The following KCNQ1 variants were observed in gnomAD, a reference collection of about 807,000 sequenced individuals.
KCNQ1 encodes potassium voltage-gated channel subfamily KQT member 1.
Under a neutral mutation model 72.4 loss-of-function variants are expected in KCNQ1, and 49 were observed. That is an observed-to-expected ratio of 0.68 (90% CI 0.54 to 0.86). KCNQ1 has a LOEUF of 0.86. KCNQ1 is among the 40% of genes least tolerant of loss of function. KCNQ1 has a pLI of 0.00. For missense variants in KCNQ1, 790 were observed against 945.1 expected (o/e 0.84, Z 2.15); for synonymous variants, 450 against 412.6 (o/e 1.09, Z -1.10).
chr11:2,617,750 A>G lies in KCNQ1; in HGVS notation c.1393+28896A>G. ...TCTCATGAGTGTGAGGTGATATCGC[A>G]TAGTAATTTTGATTTGCATTTCCCT... On this transcript the variant is annotated intron_variant, in intron 10 of 15. Transcript: ENST00000155840. The surrounding 1 kb of genome is among the most constrained non-coding windows in gnomAD (Gnocchi z 4.6). 2.5e-6 allele frequency: 1 copy of G among 398,546 alleles called. No homozygotes were observed. Among genetic ancestry groups the G allele is most frequent in the East Asian group, 3.6e-5 (1 of 28,068 alleles). 24.7% of individuals were successfully genotyped at this position (398,546 alleles called of 1,614,324 possible).
intron 11 of KCNQ1, among the ~76,000 whole-genome samples, chr11:2,721,055 A>G (rs1170092112): frequency 6.6e-6 from 1 of 152,024 alleles, no homozygotes; most frequent in African/African-American, 2.4e-5. Context: ...AAGAAAGGGT[A>G]TTTGTTTCTT....
chr11:2,623,099 G>A lies in KCNQ1; in HGVS notation c.1393+34245G>A, dbSNP rs1172548812. 1 of 398,512 alleles carries A rather than the reference G, an allele frequency of 2.5e-6. No individual in the cohort carries two copies. The highest frequency in any genetic ancestry group is 4.4e-6 in the Non-Finnish European group (1 of 226,090). The allele number at this position is 398,512 out of a possible 1,614,324, so 24.7% of individuals were successfully genotyped here. A position where few individuals can be genotyped will look rare whatever the true frequency, so the allele number is the denominator to read the frequency against. On this transcript the variant is annotated intron_variant, in intron 10 of 15. Transcript: ENST00000155840. The surrounding 1 kb of genome is among the most constrained non-coding windows in gnomAD (Gnocchi z 5.2). ...TAGTGAGTTCTCATGAGATCTGGTT[G>A]TTTAAACGTGTGTGGCACTTCCCAT...
chr11:2,843,399 G>A (rs1168210671), intron 15 of KCNQ1, among the ~76,000 whole-genome samples: 1 of 152,250 alleles, frequency 6.6e-6, no homozygotes, highest in East Asian at 1.9e-4. Flanking sequence ...ACAGGAGGAA[G>A]GCCAAGGTGA....
Position 2,561,208 on chromosome 11 carries a change from A to AAAAAAAAAG in KCNQ1, c.478-9413_478-9412insAGAAAAAAA, listed in dbSNP as rs1554891922. 3.9e-3 allele frequency among the ~76,000 whole-genome samples: 572 copies of AAAAAAAAAG among 147,700 alleles called. 12 individuals are homozygous for AAAAAAAAAG. Among genetic ancestry groups the AAAAAAAAAG allele is most frequent in the Admixed American group, 0.032 (462 of 14,218 alleles). ...ACAGCGAGACTCCGTCTCAAAAAAA[A>AAAAAAAAAG]AAAAAAAGAAAAAAAGAAAAAAAAG... On this transcript the variant is annotated intron_variant, in intron 2 of 15. Transcript: ENST00000155840.
At chr11:2,832,599 C>A (rs1460580631) in intron 15 of KCNQ1, among the ~76,000 whole-genome samples, 1 of 152,222 alleles carries the variant, frequency 6.6e-6, no homozygotes, top group African/African-American at 2.4e-5. Flanking sequence ...GCGCCAAGCA[C>A]CCTGCTGCCT....
intron 15 of KCNQ1, among the ~76,000 whole-genome samples, chr11:2,799,402 G>GT (rs397838920): frequency 1.4e-5 from 2 of 146,408 alleles, no homozygotes; most frequent in Admixed American, 6.9e-5. Flanking sequence ...GTGTGTGTGT[G>GT]GTGTGGTGTG....
At chr11:2,805,501 G>T (rs903340377) in intron 15 of KCNQ1, among the ~76,000 whole-genome samples, 1 of 152,228 alleles carries the variant, frequency 6.6e-6, no homozygotes, top group African/African-American at 2.4e-5. Context: ...TGGACTTGGG[G>T]CCTCATCTGG....
chr11:2,646,678 C>A, intron 10 of KCNQ1: 1 of 398,596 alleles, frequency 2.5e-6, no homozygotes, highest in East Asian at 3.6e-5. Flanking sequence ...GTGCAGGCCA[C>A]CACGCCCAGC....
At position 2,674,213 on chromosome 11, in the gene KCNQ1, C is replaced by T; in HGVS notation, c.1514+12132C>T. On this transcript the variant is annotated intron_variant, in intron 11 of 15. Transcript: ENST00000155840. This position sits in a 1 kb window ranked among gnomAD's most constrained non-coding sequence, Gnocchi z 5.9. ...AGAGCACAGCCAGTTGTGGGTTTTT[C>T]TTGGGGCCCAGATAGATGTGAGCAG... is the stretch of plus-strand genomic sequence containing the variant. 2.5e-6 allele frequency: 1 copy of T among 398,672 alleles called. No individual in the cohort carries two copies. Among genetic ancestry groups the T allele is most frequent in the Admixed American group, 4.4e-5 (1 of 22,736 alleles). 24.7% of individuals were successfully genotyped at this position (398,672 alleles called of 1,614,324 possible).
At chr11:2,845,982 C>A (rs2134093670) in intron 15 of KCNQ1, among the ~76,000 whole-genome samples, 1 of 152,314 alleles carries the variant, frequency 6.6e-6, no homozygotes, top group African/African-American at 2.4e-5. Flanking sequence ...CCACCCAGAC[C>A]CTAGCAAACT....
At chr11:2,796,192 C>A (rs1438221726) in intron 15 of KCNQ1, among the ~76,000 whole-genome samples, 14 of 152,230 alleles carry the variant, frequency 9.2e-5, no homozygotes, top group African/African-American at 2.9e-4. Context: ...AGGGACTATT[C>A]GGACACCACC....
At chr11:2,706,508 C>T (rs767391561) in intron 11 of KCNQ1, among the ~76,000 whole-genome samples, 5 of 152,244 alleles carry the variant, frequency 3.3e-5, no homozygotes, top group Admixed American at 6.5e-5. Flanking sequence ...CCAGATCCCT[C>T]GCCCACAGAA....
intron 1 of KCNQ1, among the ~76,000 whole-genome samples, chr11:2,455,005 T>C (rs959885313): frequency 1.3e-5 from 2 of 152,198 alleles, no homozygotes; most frequent in East Asian, 3.9e-4. Flanking sequence ...GATGATAAGA[T>C]TCTATACCTA....
At position 2,813,870 on chromosome 11, in the gene KCNQ1, G is replaced by A. The variant is rs1375263447; in HGVS notation, c.1795-33897G>A. Among the ~76,000 whole-genome samples, 1 of 152,046 alleles carries A rather than the reference G, an allele frequency of 6.6e-6. No homozygotes were observed. Among genetic ancestry groups the A allele is most frequent in the African/African-American group, 2.4e-5 (1 of 41,390 alleles). On this transcript the variant is annotated intron_variant, in intron 15 of 15. Transcript: ENST00000155840. The surrounding 1 kb of genome is among the most constrained non-coding windows in gnomAD (Gnocchi z 4.4). ...ATGGACGGGGAGCTGCAGGGAGGGA[G>A]GGTTGCAGAAAGGGATGCGTGGAAG...
chr11:2,652,726 G>A lies in KCNQ1; in HGVS notation c.1394-9235G>A, dbSNP rs1849776344. 1.0e-5 allele frequency: 4 copies of A among 398,898 alleles called. No individual in the cohort carries two copies. Among genetic ancestry groups the A allele is most frequent in the Admixed American group, 8.8e-5 (2 of 22,736 alleles). 24.7% of individuals were successfully genotyped at this position (398,898 alleles called of 1,614,324 possible). On this transcript the variant is annotated intron_variant, in intron 10 of 15. Transcript: ENST00000155840. The surrounding 1 kb of genome is among the most constrained non-coding windows in gnomAD (Gnocchi z 5.9). ...CTTTCCGTTTCCTGGGCTCACTCAC[G>A]CTCAGGGTTGACCCTGTCCTGGCTC...
At chr11:2,739,339 C>G (rs1846010682) in intron 11 of KCNQ1, among the ~76,000 whole-genome samples, 1 of 152,160 alleles carries the variant, frequency 6.6e-6, no homozygotes, top group Admixed American at 6.5e-5. Flanking sequence ...CCCGAGATTG[C>G]CTGAGGTCAC....
intron 6 of KCNQ1, among the ~76,000 whole-genome samples, chr11:2,582,298 A>C (rs1848512537): frequency 6.6e-6 from 1 of 151,866 alleles, no homozygotes; most frequent in South Asian, 2.1e-4. Context: ...CCTCCTCCTC[A>C]GTGGCTGGTG....
chr11:2,671,766 C>T lies in KCNQ1; in HGVS notation c.1514+9685C>T. ...GGAGCTACATACACATACATGCATG[C>T]ACATAATCATTCTGACCCAGTCAGG... On this transcript the variant is annotated intron_variant, in intron 11 of 15. Transcript: ENST00000155840. This position sits in a 1 kb window ranked among gnomAD's most constrained non-coding sequence, Gnocchi z 4.7. The T allele has an allele frequency of 2.5e-6, 1 of 398,724 alleles. No homozygotes were observed. Among genetic ancestry groups the T allele is most frequent in the Non-Finnish European group, 4.4e-6 (1 of 226,144 alleles). 24.7% of individuals were successfully genotyped at this position (398,724 alleles called of 1,614,324 possible).
rs1006915470 is a variant in KCNQ1 at position 2,683,890 on chromosome 11, C to T, written c.1514+21809C>T. Reference sequence around the variant, plus strand: ...ACATCTCTCTTCCAAATCATAAATGCAAAAGATGGCCAAAGGTGCATGCTC... The same window carrying T: ...ACATCTCTCTTCCAAATCATAAATGTAAAAGATGGCCAAAGGTGCATGCTC... On this transcript the variant is annotated intron_variant, in intron 11 of 15. Transcript: ENST00000155840. This position sits in a 1 kb window ranked among gnomAD's most constrained non-coding sequence, Gnocchi z 4.7. 5.0e-6 allele frequency: 2 copies of T among 398,380 alleles called. No homozygotes were observed. The highest frequency in any genetic ancestry group is 8.8e-6 in the Non-Finnish European group (2 of 226,050). The allele number at this position is 398,380 out of a possible 1,614,324, so 24.7% of individuals were successfully genotyped here. A position where few individuals can be genotyped will look rare whatever the true frequency, so the allele number is the denominator to read the frequency against.
Sources: allele counts gnomAD v4.1 joint callset (sites outside exome capture counted in the v4.1 genomes callset), GRCh38; gene constraint gnomAD v4.1.1; non-coding constraint Gnocchi (gnomAD v3.1); transcripts MANE v1.5; gene names NCBI Gene and HGNC (gene_info 2026-07-23, HGNC 2026-07-21).